Variants in ZNF285 observed in about 807,000 individuals in gnomAD.
The protein encoded by ZNF285 is zinc finger protein 285A.
ZNF285 carries 4 observed loss-of-function variants against 6.2 expected under a neutral mutation model. That is an observed-to-expected ratio of 0.65 (90% CI 0.32 to 1.49). The LOEUF is 1.49. Among genes scored for constraint, ZNF285 ranks in the 40% most tolerant of loss-of-function variants. ZNF285 has a pLI of 0.07. For missense variants in ZNF285, 695 were observed against 708.8 expected (o/e 0.98, Z 0.22); for synonymous variants, 240 against 245.8 (o/e 0.98, Z 0.22).
chr19:44,397,355 C>G, intron 1 of ZNF285, 99 bp from the exon 2 acceptor site: 2 of 1,387,150 alleles, frequency 1.4e-6, no homozygotes, highest in Non-Finnish European at 2.0e-6. Context: ...AATTTCTCCT[C>G]TCACTGGATA....
At chr19:44,396,952 T>C in intron 2 of ZNF285, 1 of 527,246 alleles carries the variant, frequency 1.9e-6, no homozygotes, top group Non-Finnish European at 3.4e-6. Flanking sequence ...AAGCAGTTCA[T>C]GGACTGGTAC....
At chr19:44,393,973 C>T (rs887502187) in intron 2 of ZNF285, among the ~76,000 whole-genome samples, 6 of 151,958 alleles carry the variant, frequency 3.9e-5, no homozygotes, top group East Asian at 1.9e-4. Flanking sequence ...ATGTTTATTG[C>T]GGCACTATTC....
At chr19:44,393,314 T>C (rs1245776060) in intron 2 of ZNF285, among the ~76,000 whole-genome samples, 2 of 152,190 alleles carry the variant, frequency 1.3e-5, no homozygotes, top group Non-Finnish European at 2.9e-5. Flanking sequence ...TTACACATTA[T>C]GCTATTCTTT....
chr19:44,397,740 T>C (rs1971306708), intron 1 of ZNF285, among the ~76,000 whole-genome samples: 1 of 151,986 alleles, frequency 6.6e-6, no homozygotes, highest in East Asian at 1.9e-4. Flanking sequence ...CAAAATTAGC[T>C]GGGTGTGGTG....
chr19:44,391,330 G>A (rs531102398), intron 3 of ZNF285, among the ~76,000 whole-genome samples: 1 of 152,014 alleles, frequency 6.6e-6, no homozygotes, highest in South Asian at 2.1e-4. Context: ...TTTATCAGCA[G>A]TGTGAAAACA....
intron 3 of ZNF285, 102 bp from the exon 4 acceptor site, chr19:44,388,204 C>T: frequency 1.9e-6 from 2 of 1,075,488 alleles, no homozygotes; most frequent in Non-Finnish European, 2.7e-6. Context: ...TCCCTGGGTT[C>T]TATTGACGTA....
At chr19:44,390,634 G>C (rs111800226) in intron 3 of ZNF285, among the ~76,000 whole-genome samples, 1 of 152,042 alleles carries the variant, frequency 6.6e-6, no homozygotes, top group Admixed American at 6.5e-5. Flanking sequence ...ACTGTTGGGA[G>C]GCATCATTGG....
rs369576646 is a variant in ZNF285 at position 44,387,919 on chromosome 19, T to C, written c.326A>G (p.Glu109Gly). Residue 109 changes from glutamate to glycine, a missense_variant, in exon 4 of 4, where the codon GAA becomes GGA. Coordinates refer to ENST00000614994, the MANE Select transcript of ZNF285 (RefSeq NM_152354.6). ...CTGAAGAGAAATGCCTGCCCACTCT[T>C]CACTGAGGGAAACATCTTCTAAATG... ...SPHLEDVSLSEEWAGISLQIS... is the reference protein window; with the variant it reads ...SPHLEDVSLSGEWAGISLQIS... 2.5e-6 allele frequency: 4 copies of C among 1,613,942 alleles called. No individual in the cohort carries two copies. The African/African-American group carries it at 5.3e-5, about 22-fold the overall frequency.
chr19:44,387,239 G>C lies in ZNF285; in HGVS notation c.1006C>G (p.Arg336Gly), dbSNP rs201861898. 2.2e-4 allele frequency: 353 copies of C among 1,613,890 alleles called. No individual in the cohort carries two copies. Among genetic ancestry groups the C allele is most frequent in the Non-Finnish European group, 2.9e-4 (340 of 1,179,994 alleles). ...TAGGGCATCTCCCCTGTGTGGACTC[G>C]ATGATGGTTGTGAAGGGAAGAGCTG... ...RRSSSLHNHH[R>G]VHTGEMPYKC... The change falls in exon 4 of 4, where the codon CGA (arginine) becomes GGA (glycine). Residue 336 changes from arginine to glycine, a missense_variant. Transcript: ENST00000614994.
intron 2 of ZNF285, among the ~76,000 whole-genome samples, chr19:44,393,292 T>C (rs867795056): frequency 1.3e-5 from 2 of 152,138 alleles, no homozygotes; most frequent in Non-Finnish European, 2.9e-5. Context: ...AATTGGTGAA[T>C]CTAGGTGAAG....
At chr19:44,400,405 C>T (rs568508815) in intron 1 of ZNF285, among the ~76,000 whole-genome samples, 1 of 152,146 alleles carries the variant, frequency 6.6e-6, no homozygotes, top group African/African-American at 2.4e-5. Context: ...AAATAATTAA[C>T]ACTAAATCTC....
chr19:44,393,959 A>G (rs1284297405), intron 2 of ZNF285, among the ~76,000 whole-genome samples: 2 of 152,146 alleles, frequency 1.3e-5, no homozygotes, highest in African/African-American at 2.4e-5. Flanking sequence ...ACACATGCAC[A>G]CGTATGTTTA....
At chr19:44,399,151 G>A (rs1316127616) in intron 1 of ZNF285, among the ~76,000 whole-genome samples, 2 of 150,148 alleles carry the variant, frequency 1.3e-5, no homozygotes, top group African/African-American at 5.0e-5. Flanking sequence ...GCAGCTCACA[G>A]GGTTATAGAA....
In ZNF285 at chr19:44,386,923, G is replaced by A. The variant is rs375719363; in HGVS notation, c.1322C>T (p.Thr441Ile). 6.5e-5 allele frequency: 105 copies of A among 1,614,048 alleles called. No individual in the cohort carries two copies. The highest frequency in any genetic ancestry group is 8.5e-5 in the Non-Finnish European group (100 of 1,180,034). The change falls in exon 4 of 4, where the codon ACA (threonine) becomes ATA (isoleucine). Residue 441 changes from threonine to isoleucine, a missense_variant. Physicochemically the swap from Thr to Ile is moderately conservative, Grantham distance 89 (BLOSUM62 -1). Transcript: ENST00000614994. Reference protein sequence around the residue: ...GECGKGFSQCTHLHIHQRVHT... With the variant: ...GECGKGFSQCIHLHIHQRVHT... ...GACTCTCTGGTGAATGTGAAGGTGTGTACATTGGCTGAAGCCCTTTCCACA... is the reference window on the plus strand; with the variant it reads ...GACTCTCTGGTGAATGTGAAGGTGTATACATTGGCTGAAGCCCTTTCCACA...
intron 2 of ZNF285, among the ~76,000 whole-genome samples, chr19:44,396,207 G>A (rs1971277749): frequency 6.6e-6 from 1 of 151,904 alleles, no homozygotes; most frequent in Non-Finnish European, 1.5e-5. Flanking sequence ...AATACTTTGG[G>A]AAAGAAAAAA....
chr19:44,392,440 A>G lies in ZNF285; in HGVS notation c.42T>C (p.Ala14=). The G allele has an allele frequency of 6.2e-7, 1 of 1,613,906 alleles. No homozygotes were observed. Among genetic ancestry groups the G allele is most frequent in the South Asian group, 1.1e-5 (1 of 91,074 alleles). The change falls in exon 3 of 4, where the codon GCT becomes GCC. Residue 14 remains alanine (A), a synonymous_variant. Transcript: ENST00000614994. ...CCAGCTCTTCCTTGGTGAAGACAAC[A>G]GCCACATCCTTGAATGTCACCCTTT... ...FQERVTFKDV[A]VVFTKEELAL... is the part of the protein sequence containing the mutation.
At chr19:44,394,917 A>C (rs2083790818) in intron 2 of ZNF285, among the ~76,000 whole-genome samples, 1 of 152,180 alleles carries the variant, frequency 6.6e-6, no homozygotes, top group Non-Finnish European at 1.5e-5. Context: ...AATTGGAGAT[A>C]ATCATTCAGG....
At chr19:44,396,918 C>T (rs1971290469) in intron 2 of ZNF285, 1 of 423,874 alleles carries the variant, frequency 2.4e-6, no homozygotes, top group Non-Finnish European at 4.3e-6. Context: ...ACTCTTGATT[C>T]TTTTTCCCTC....
rs576966217 is a variant in ZNF285 at position 44,386,341 on chromosome 19, G to T, written c.*131C>A. ...TCCTTGCCTGGCACACTTCAGTGCT[G>T]CAGGCTGACATTATCGATGGCAGTG... On this transcript the variant is annotated 3_prime_UTR_variant, in exon 4 of 4. Transcript: ENST00000614994. The T allele has an allele frequency of 1.0e-6, 1 of 999,950 alleles. No individual in the cohort carries two copies. Among genetic ancestry groups the T allele is most frequent in the East Asian group, 2.6e-5 (1 of 38,138 alleles). The allele number at this position is 999,950 out of a possible 1,614,324, so 61.9% of individuals were successfully genotyped here.
Sources: allele counts gnomAD v4.1 joint callset (sites outside exome capture counted in the v4.1 genomes callset), GRCh38; gene constraint gnomAD v4.1.1; transcripts MANE v1.5; gene names NCBI Gene and HGNC (gene_info 2026-07-23, HGNC 2026-07-21).